The following GALNT15 variants were observed in gnomAD, a reference collection of about 807,000 sequenced individuals.
GALNT15 encodes polypeptide N-acetylgalactosaminyltransferase 15.
GALNT15 carries 67 observed loss-of-function variants against 66.8 expected under a neutral mutation model. That is an observed-to-expected ratio of 1.00 (90% CI 0.82 to 1.23). The LOEUF (loss-of-function observed/expected upper bound fraction) is 1.23. GALNT15 is among the 50% of genes most tolerant of loss of function. The pLI is 0.00. For missense variants in GALNT15, 827 were observed against 804.3 expected, an observed-to-expected ratio of 1.03 and a Z score of -0.34; for synonymous variants, 313 against 311.5, an observed-to-expected ratio of 1.00 and a Z score of -0.05.
chr3:16,233,461 A>G (rs1035833872), downstream of GALNT15, among the ~76,000 whole-genome samples: 1 of 152,020 alleles, frequency 6.6e-6, no homozygotes, highest in Non-Finnish European at 1.5e-5. Context: ...TTCCCTCAGC[A>G]TTCTTCCTCT....
At position 16,175,073 on chromosome 3, in the gene GALNT15, T is replaced by C. The variant is rs2063389686; in HGVS notation, c.-79T>C. Reference sequence around the variant, plus strand: ...CAGGTGGAACAAGCAACCCAGGTTCTGCTGCAAGCTTGAAGGAGCCTGGAG... The same window carrying C: ...CAGGTGGAACAAGCAACCCAGGTTCCGCTGCAAGCTTGAAGGAGCCTGGAG... On this transcript the variant is annotated 5_prime_UTR_variant, in exon 1 of 10. Coordinates refer to ENST00000339732, the MANE Select transcript of GALNT15 (RefSeq NM_054110.5). The surrounding 1 kb of genome is among the most constrained non-coding windows in gnomAD (Gnocchi z 5.6). 7.1e-7 allele frequency: 1 copy of C among 1,408,238 alleles called. No individual in the cohort carries two copies. The highest frequency in any genetic ancestry group is 1.4e-5 in the African/African-American group (1 of 70,258). 87.2% of individuals were successfully genotyped at this position (1,408,238 alleles called of 1,614,324 possible). A position where few individuals can be genotyped will look rare whatever the true frequency, so the allele number is the denominator to read the frequency against.
chr3:16,195,516 T>C lies in GALNT15; in HGVS notation c.540-244T>C, dbSNP rs1170444629. On this transcript the variant is annotated intron_variant, in intron 1 of 9. Transcript: ENST00000339732. The surrounding 1 kb of genome is among the most constrained non-coding windows in gnomAD (Gnocchi z 4.6). ...TGAGGATGACGGCAACGCTTCTCAATTGCAATGAGAGGGACTTTGGATTAA... is the reference window on the plus strand; with the variant it reads ...TGAGGATGACGGCAACGCTTCTCAACTGCAATGAGAGGGACTTTGGATTAA... Among the ~76,000 whole-genome samples the C allele has an allele frequency of 2.0e-5, 3 of 152,172 alleles. No individual in the cohort carries two copies. Among genetic ancestry groups the C allele is most frequent in the Non-Finnish European group, 2.9e-5 (2 of 68,038 alleles).
chr3:16,241,257 G>A, the GALNT15 span, among the ~76,000 whole-genome samples: 24 of 152,264 alleles, frequency 1.6e-4, no homozygotes, highest in East Asian at 4.1e-3. This position sits in a 1 kb window ranked among gnomAD's most constrained non-coding sequence, Gnocchi z 4.6. Context: ...TGACAGGCAC[G>A]TAATACATGC....
Position 16,182,178 on chromosome 3 carries a change from T to C in GALNT15, c.539+6488T>C, listed in dbSNP as rs997204269. The stretch of plus-strand genomic sequence containing the variant: ...GTCCTCAGACCTGCAGCCTCAGAAA[T>C]GCAGACCCTTCAGACCCCACTTAAA... On this transcript the variant is annotated intron_variant, in intron 1 of 9. Coordinates refer to ENST00000339732, the MANE Select transcript of GALNT15 (RefSeq NM_054110.5). The surrounding 1 kb of genome is among the most constrained non-coding windows in gnomAD (Gnocchi z 6.1). Among the ~76,000 whole-genome samples, 3 of 152,114 alleles carry C rather than the reference T, an allele frequency of 2.0e-5. No individual in the cohort carries two copies. The highest frequency in any genetic ancestry group is 7.2e-5 in the African/African-American group (3 of 41,398).
In GALNT15 at chr3:16,228,406, A is replaced by C. The variant is rs972659002; in HGVS notation, c.*906A>C. The stretch of plus-strand genomic sequence containing the variant: ...CTGTAATTCCAGCACTTTGGGAGGC[A>C]GAGTTGGGAGGATCACCTGATGTCA... On this transcript the variant is annotated 3_prime_UTR_variant, in exon 10 of 10. Transcript: ENST00000339732. The C allele has an allele frequency of 3.4e-6, 3 of 891,534 alleles. No individual in the cohort carries two copies. Among genetic ancestry groups the C allele is most frequent in the African/African-American group, 3.6e-5 (2 of 55,202 alleles). 55.2% of individuals were successfully genotyped at this position (891,534 alleles called of 1,614,324 possible). A position where few individuals can be genotyped will look rare whatever the true frequency, so the allele number is the denominator to read the frequency against.
intron 9 of GALNT15, 78 bp downstream of exon 9, chr3:16,222,836 C>T: frequency 1.3e-6 from 2 of 1,523,592 alleles, no homozygotes; most frequent in Non-Finnish European, 1.8e-6. Context: ...ATCCTGGGCT[C>T]TTCCAAGAGG....
chr3:16,232,121 A>C, downstream of GALNT15: 1 of 536,420 alleles, frequency 1.9e-6, no homozygotes. Flanking sequence ...TCCAACCCAA[A>C]CCATATGGCT....
At position 16,211,275 on chromosome 3, in the gene GALNT15, A is replaced by C. The variant is rs2063812207; in HGVS notation, c.1197+34A>C. The C allele has an allele frequency of 7.3e-7, 1 of 1,363,612 alleles. No homozygotes were observed. Among genetic ancestry groups the C allele is most frequent in the African/African-American group, 1.4e-5 (1 of 70,332 alleles). The allele number at this position is 1,363,612 out of a possible 1,614,324, so 84.5% of individuals were successfully genotyped here. On this transcript the variant is annotated intron_variant, in intron 5 of 9. Coordinates refer to ENST00000339732, the MANE Select transcript of GALNT15 (RefSeq NM_054110.5). This position sits in a 1 kb window ranked among gnomAD's most constrained non-coding sequence, Gnocchi z 4.3. ...TGGACCAAGGGAGGACAGAGGTGGGATCTCTGGAGTGGTGTGTATGGTCAC... is the reference window on the plus strand; with the variant it reads ...TGGACCAAGGGAGGACAGAGGTGGGCTCTCTGGAGTGGTGTGTATGGTCAC...
In GALNT15 at chr3:16,175,383, T is replaced by C; in HGVS notation, c.232T>C (p.Tyr78His). The change falls in exon 1 of 10, where the codon TAC (tyrosine) becomes CAC (histidine). Residue 78 changes from tyrosine (Y) to histidine (H), a missense_variant. Tyr to His is a moderately conservative substitution (Grantham distance 83). Transcript: ENST00000339732. This position sits in a 1 kb window ranked among gnomAD's most constrained non-coding sequence, Gnocchi z 5.6. ...VLEAEDEGEE[Y>H]SPLEGLPPFI... ...GGAAGCTGAGGATGAGGGTGAAGAG[T>C]ACAGCCCTCTGGAGGGCCTGCCACC... 6.2e-7 allele frequency: 1 copy of C among 1,613,998 alleles called. No individual in the cohort carries two copies. The highest frequency in any genetic ancestry group is 2.2e-5 in the East Asian group (1 of 44,856).
rs180953582 is a variant in GALNT15 at position 16,211,142 on chromosome 3, A to G, written c.1098A>G (p.Gly366=). The G allele has an allele frequency of 4.5e-4, 725 of 1,613,348 alleles. No individual in the cohort carries two copies. The highest frequency in any genetic ancestry group is 3.5e-4 in the Non-Finnish European group (412 of 1,179,422). ...ISPIRSPVVP[G]EVVAMDRHYF... ...TGTCCAGGAGCCCTGTGGTGCCCGG[A>G]GAGGTGGTGGCCATGGACAGACATT... The change falls in exon 5 of 10, where the codon GGA becomes GGG. Residue 366 remains glycine (G), a synonymous_variant. Transcript: ENST00000339732. This position sits in a 1 kb window ranked among gnomAD's most constrained non-coding sequence, Gnocchi z 4.3.
rs112391259 is a variant in GALNT15 at position 16,188,143 on chromosome 3, C to T, written c.540-7617C>T. Among the ~76,000 whole-genome samples the T allele has an allele frequency of 6.6e-6, 1 of 152,212 alleles. No homozygotes were observed. The highest frequency in any genetic ancestry group is 6.5e-5 in the Admixed American group (1 of 15,284). ...ACATCTAGCCTCACGCTCTTCCCCCCAGACCATTATCCTGGCTCCGGCTGT... is the reference window on the plus strand; with the variant it reads ...ACATCTAGCCTCACGCTCTTCCCCCTAGACCATTATCCTGGCTCCGGCTGT... On this transcript the variant is annotated intron_variant, in intron 1 of 9. Coordinates refer to ENST00000339732, the MANE Select transcript of GALNT15 (RefSeq NM_054110.5). The surrounding 1 kb of genome is among the most constrained non-coding windows in gnomAD (Gnocchi z 4.6).
chr3:16,241,525 A>G, the GALNT15 span, among the ~76,000 whole-genome samples: 1 of 152,148 alleles, frequency 6.6e-6, no homozygotes, highest in African/African-American at 2.4e-5. This position sits in a 1 kb window ranked among gnomAD's most constrained non-coding sequence, Gnocchi z 4.6. Flanking sequence ...CCCAAAACTT[A>G]GTGGCTTAAA....
At position 16,209,211 on chromosome 3, in the gene GALNT15, A is replaced by T. The variant is rs2063787475; in HGVS notation, c.1079+541A>T. Among the ~76,000 whole-genome samples the T allele has an allele frequency of 6.6e-6, 1 of 152,238 alleles. No individual in the cohort carries two copies. Among genetic ancestry groups the T allele is most frequent in the Admixed American group, 6.5e-5 (1 of 15,274 alleles). ...TAGAAGTACTAGATATCTTATGCATAACAAATCACCTCAAACTTGGTGTAA... is the reference window on the plus strand; with the variant it reads ...TAGAAGTACTAGATATCTTATGCATTACAAATCACCTCAAACTTGGTGTAA... On this transcript the variant is annotated intron_variant, in intron 4 of 9. Coordinates refer to ENST00000339732, the MANE Select transcript of GALNT15 (RefSeq NM_054110.5). This position sits in a 1 kb window ranked among gnomAD's most constrained non-coding sequence, Gnocchi z 4.1.
At chr3:16,243,662 T>G in the GALNT15 span, among the ~76,000 whole-genome samples, 1 of 152,170 alleles carries the variant, frequency 6.6e-6, no homozygotes, top group Non-Finnish European at 1.5e-5. Flanking sequence ...GGTTAGGTGA[T>G]TTGGGAAAAG....
the GALNT15 span, among the ~76,000 whole-genome samples, chr3:16,243,390 C>T: frequency 1.1e-4 from 16 of 152,238 alleles, no homozygotes; most frequent in African/African-American, 3.6e-4. Context: ...GAGCCCAGCT[C>T]GCCTTGCCAA....
Position 16,193,880 on chromosome 3 carries a change from C to T in GALNT15, c.540-1880C>T, listed in dbSNP as rs1262227433. On this transcript the variant is annotated intron_variant, in intron 1 of 9. Coordinates refer to ENST00000339732, the MANE Select transcript of GALNT15 (RefSeq NM_054110.5). The surrounding 1 kb of genome is among the most constrained non-coding windows in gnomAD (Gnocchi z 4.7). ...TTCAGAAACACACGTTAAGAAAGTG[C>T]CTTTTGTAAGCAAGTGTGAGCTATA... is the stretch of plus-strand genomic sequence containing the variant. Among the ~76,000 whole-genome samples the T allele has an allele frequency of 6.6e-6, 1 of 152,166 alleles. No individual in the cohort carries two copies. The highest frequency in any genetic ancestry group is 6.6e-5 in the Admixed American group (1 of 15,264).
rs976254457 is a variant in GALNT15, at chr3:16,195,662, G to C, written c.540-98G>C. On this transcript the variant is annotated intron_variant, in intron 1 of 9. Transcript: ENST00000339732. This position sits in a 1 kb window ranked among gnomAD's most constrained non-coding sequence, Gnocchi z 4.6. ...ATCCCATAGGACAGCCATATAATGG[G>C]GGCAGCTCCAGCCAGAGCAAAGGAA... The C allele has an allele frequency of 2.8e-6, 3 of 1,063,330 alleles. No individual in the cohort carries two copies. Among genetic ancestry groups the C allele is most frequent in the East Asian group, 2.4e-5 (1 of 41,638 alleles). The allele number at this position is 1,063,330 out of a possible 1,614,324, so 65.9% of individuals were successfully genotyped here.
At chr3:16,197,804 T>G (rs1360332174) in intron 2 of GALNT15, among the ~76,000 whole-genome samples, 1 of 152,180 alleles carries the variant, frequency 6.6e-6, no homozygotes, top group African/African-American at 2.4e-5. Context: ...GGGAAGGAGT[T>G]GAGGATCATA....
intron 5 of GALNT15, among the ~76,000 whole-genome samples, chr3:16,212,097 A>C (rs1234101747): frequency 6.6e-6 from 1 of 152,138 alleles, no homozygotes; most frequent in Non-Finnish European, 1.5e-5. Flanking sequence ...AAATTTCTTG[A>C]AATAGTAAAG....
Sources: allele counts gnomAD v4.1 joint callset (sites outside exome capture counted in the v4.1 genomes callset), GRCh38; gene constraint gnomAD v4.1.1; non-coding constraint Gnocchi (gnomAD v3.1); transcripts MANE v1.5; gene names NCBI Gene and HGNC (gene_info 2026-07-23, HGNC 2026-07-21).